Variants in PRDM2 observed in about 807,000 individuals in gnomAD.
PRDM2 encodes PR domain zinc finger protein 2.
PRDM2 carries 30 observed loss-of-function variants against 130.0 expected under a neutral mutation model. The observed-to-expected ratio is 0.23, with a 90% confidence interval of 0.17 to 0.31. The LOEUF is 0.31. Ranked by LOEUF, PRDM2 falls within the 10% of genes least tolerant of loss-of-function variation. PRDM2 has a pLI of 1.00. For synonymous variants in PRDM2, 871 were observed against 782.4 expected, an observed-to-expected ratio of 1.11 and a Z score of -1.89; for missense variants, 2,011 against 2,108.4, an observed-to-expected ratio of 0.95 and a Z score of 0.90.
chr1:13,792,765 G>A (rs890119368), intron 8 of PRDM2, among the ~76,000 whole-genome samples: 3 of 152,194 alleles, frequency 2.0e-5, no homozygotes, highest in Non-Finnish European at 4.4e-5. Context: ...TTGAGGATGC[G>A]CCTGGAGTGT....
In PRDM2 at chr1:13,796,025, G is replaced by GT. The variant is rs1644917867; in HGVS notation, c.5036+13195dup. Among the ~76,000 whole-genome samples the GT allele has an allele frequency of 7.9e-5, 12 of 152,308 alleles. No individual in the cohort carries two copies. The South Asian group carries it at 2.5e-3, about 32-fold the overall frequency. ...AAGGCGAGTGGTTCTGGAGTGCCAG[G>GT]TATTTGCTGCCTGTGATGTCATTGT... On this transcript the variant is annotated intron_variant, in intron 8 of 9. Transcript: ENST00000311066.
chr1:13,727,362 C>A (rs1430221481), intron 2 of PRDM2, among the ~76,000 whole-genome samples: 1 of 152,126 alleles, frequency 6.6e-6, no homozygotes, highest in African/African-American at 2.4e-5. Flanking sequence ...TCAAGCAATT[C>A]TCTTGCTTCA....
chr1:13,818,455 T>C (rs1645293473), intron 9 of PRDM2, among the ~76,000 whole-genome samples: 1 of 149,288 alleles, frequency 6.7e-6, no homozygotes. Flanking sequence ...CTTGACTCAC[T>C]GCATCCTCCA....
At chr1:13,816,678 C>CT in intron 9 of PRDM2, 108 bp downstream of exon 9, 2 of 1,408,548 alleles carry the variant, frequency 1.4e-6, no homozygotes, top group Non-Finnish European at 1.9e-6. Context: ...GGTGTGATTG[C>CT]TTGTGTGTAC....
At chr1:13,798,068 A>G (rs1039935911) in intron 8 of PRDM2, among the ~76,000 whole-genome samples, 2 of 152,104 alleles carry the variant, frequency 1.3e-5, no homozygotes, top group Admixed American at 6.5e-5. Context: ...AGCTGGGGAC[A>G]TTTCTGAGTG....
Position 13,782,787 on chromosome 1 carries a change from C to G in PRDM2, c.4992C>G (p.Asn1664Lys). 6.2e-7 allele frequency: 1 copy of G among 1,610,620 alleles called. No homozygotes were observed. The highest frequency in any genetic ancestry group is 8.5e-7 in the Non-Finnish European group (1 of 1,179,150). Residue 1664 changes from asparagine to lysine, a missense_variant, in exon 8 of 10, where the codon AAC becomes AAG. By Grantham distance (94) the Asn-to-Lys change is moderately conservative. This residue lies in a region of PRDM2 where 410 missense variants were observed against 395.9 expected (regional missense o/e 1.04). Transcript: ENST00000311066. ...CAGCTGCTGCTGACTTGAGTGAGAA[C>G]AAGAGAGAGGACGGCAGCGCCAAGC... ...QLAAAADLSE[N>K]KREDGSAKQE...
intron 2 of PRDM2, among the ~76,000 whole-genome samples, chr1:13,721,279 C>G (rs116068215): frequency 6.6e-6 from 1 of 152,102 alleles, no homozygotes; most frequent in African/African-American, 2.4e-5. Context: ...AAAGAGTTAG[C>G]GAAACCCTGG....
At chr1:13,739,201 C>T (rs779142604) in intron 4 of PRDM2, among the ~76,000 whole-genome samples, 1 of 152,048 alleles carries the variant, frequency 6.6e-6, no homozygotes, top group Non-Finnish European at 1.5e-5. Flanking sequence ...CACCCGCCAC[C>T]ACGCCCGGCT....
At chr1:13,821,431 C>CATTTATTT (rs112704883) in intron 9 of PRDM2, among the ~76,000 whole-genome samples, 1,462 of 138,268 alleles carry the variant, frequency 0.011, 11 homozygotes, top group African/African-American at 0.014. Flanking sequence ...ATGCAGTGAA[C>CATTTATTT]ATTTATTTAT....
At chr1:13,742,269 C>A (rs1354581057) in intron 5 of PRDM2, 112 bp downstream of exon 5, 3 of 1,205,434 alleles carry the variant, frequency 2.5e-6, no homozygotes, top group South Asian at 2.9e-5. Context: ...GGCTCCATCA[C>A]GGCTCACTGC....
intron 6 of PRDM2, among the ~76,000 whole-genome samples, chr1:13,758,908 G>A (rs1319052225): frequency 2.0e-5 from 3 of 152,142 alleles, no homozygotes; most frequent in African/African-American, 4.8e-5. Flanking sequence ...ATAAGATAAT[G>A]ATACTGTGTG....
intron 1 of PRDM2, among the ~76,000 whole-genome samples, chr1:13,710,954 G>A (rs1356263943): frequency 1.3e-5 from 2 of 152,022 alleles, no homozygotes; most frequent in South Asian, 2.1e-4. Flanking sequence ...GCGTGTTGAC[G>A]GGCGCCTGTA....
chr1:13,755,647 GT>G (rs539986449), intron 6 of PRDM2, among the ~76,000 whole-genome samples: 6 of 148,638 alleles, frequency 4.0e-5, no homozygotes, highest in Admixed American at 6.7e-5. Flanking sequence ...AATTTTTATT[GT>G]TTTTTTTTAA....
intron 9 of PRDM2, among the ~76,000 whole-genome samples, chr1:13,817,695 C>T (rs1481002620): frequency 1.3e-5 from 2 of 151,932 alleles, no homozygotes; most frequent in African/African-American, 2.4e-5. Context: ...TAGGGCCAAA[C>T]CCCATTAAAA....
intron 6 of PRDM2, among the ~76,000 whole-genome samples, chr1:13,768,467 C>T (rs983085070): frequency 5.9e-5 from 9 of 151,802 alleles, no homozygotes; most frequent in African/African-American, 1.9e-4. Context: ...GCAGTCTCCA[C>T]CTCCCGGGTT....
intron 8 of PRDM2, among the ~76,000 whole-genome samples, chr1:13,801,657 A>G (rs2281166): frequency 0.31 from 47,835 of 152,132 alleles, 8,082 homozygotes; most frequent in East Asian, 0.59. Flanking sequence ...TCATTATTCC[A>G]TAACAAACAC....
intron 8 of PRDM2, among the ~76,000 whole-genome samples, chr1:13,794,011 G>A (rs1237400260): frequency 6.6e-6 from 1 of 152,182 alleles, no homozygotes; most frequent in East Asian, 1.9e-4. Context: ...AGCAATGCAA[G>A]TTGAGACAGA....
At chr1:13,733,149 A>G (rs1047087870) in intron 4 of PRDM2, among the ~76,000 whole-genome samples, 1 of 152,140 alleles carries the variant, frequency 6.6e-6, no homozygotes, top group Non-Finnish European at 1.5e-5. Flanking sequence ...TTGCTTTGCA[A>G]CTAAGACCGT....
chr1:13,754,535 A>T (rs902490711), intron 6 of PRDM2, among the ~76,000 whole-genome samples: 1 of 152,076 alleles, frequency 6.6e-6, no homozygotes, highest in Admixed American at 6.5e-5. Context: ...GTCCACTCCT[A>T]CATGCAGTTG....
Sources: allele counts gnomAD v4.1 joint callset (sites outside exome capture counted in the v4.1 genomes callset), GRCh38; gene constraint gnomAD v4.1.1; regional missense constraint gnomAD v4.1.1; transcripts MANE v1.5; gene names NCBI Gene and HGNC (gene_info 2026-07-23, HGNC 2026-07-21).